Variants in UNC79 observed in about 807,000 individuals in gnomAD.
UNC79 encodes the protein unc-79 subunit of NALCN channel complex, also known as protein unc-79 homolog.
UNC79 carries 37 observed loss-of-function variants against 283.1 expected under a neutral mutation model. That is an observed-to-expected ratio of 0.13 (90% CI 0.10 to 0.17). The LOEUF (loss-of-function observed/expected upper bound fraction) is 0.17. Ranked by LOEUF, UNC79 falls within the 10% of genes least tolerant of loss-of-function variation. The pLI, the probability that UNC79 is intolerant of heterozygous loss-of-function variation, is 1.00. For synonymous variants in UNC79, 1,107 were observed against 1,200.2 expected, an observed-to-expected ratio of 0.92 and a Z score of 1.61; for missense variants, 2,272 against 3,211.1, an observed-to-expected ratio of 0.71 and a Z score of 7.07.
chr14:93,620,647 C>G (rs1309688848), intron 29 of UNC79, among the ~76,000 whole-genome samples: 3 of 152,160 alleles, frequency 2.0e-5, no homozygotes, highest in Non-Finnish European at 2.9e-5. Context: ...TCTCAAGAAG[C>G]CTCTCCTTAA....
At chr14:93,449,080 G>A (rs1011546601) in intron 1 of UNC79, among the ~76,000 whole-genome samples, 1 of 152,140 alleles carries the variant, frequency 6.6e-6, no homozygotes, top group African/African-American at 2.4e-5. Context: ...TGGCTGTGTG[G>A]CTATAAGCAG....
In UNC79 at chr14:93,621,723, T is replaced by A; in HGVS notation, c.4490T>A (p.Phe1497Tyr). Residue 1497 changes from phenylalanine to tyrosine, a missense_variant, in exon 30 of 49, where the codon TTC becomes TAC. Physicochemically the swap from Phe to Tyr is conservative, Grantham distance 22. Coordinates refer to ENST00000555664, the Ensembl canonical transcript of UNC79. The surrounding 1 kb of genome is among the most constrained non-coding windows in gnomAD (Gnocchi z 4.8). ...ATTCCGAAAAAAAAGCTACGCTCTT[T>A]CAAACAAAAATCTCTTGATATAGGG... 6.2e-7 allele frequency: 1 copy of A among 1,613,994 alleles called. No individual in the cohort carries two copies. The highest frequency in any genetic ancestry group is 2.2e-5 in the East Asian group (1 of 44,876).
chr14:93,565,323 C>T lies in UNC79; in HGVS notation c.1756-6571C>T, dbSNP rs1258609695. On this transcript the variant is annotated intron_variant, in intron 14 of 48. Coordinates refer to ENST00000555664, the Ensembl canonical transcript of UNC79. Reference sequence around the variant, plus strand: ...GCCCTTAATGCATTGTAATTGTAGTCAGCTCTGGGACTCTTCAAGTATTTG... The same window carrying T: ...GCCCTTAATGCATTGTAATTGTAGTTAGCTCTGGGACTCTTCAAGTATTTG... Among the ~76,000 whole-genome samples, 3 of 152,266 alleles carry T rather than the reference C, an allele frequency of 2.0e-5. No individual in the cohort carries two copies. In the South Asian group the frequency reaches 6.2e-4, roughly 32 times the overall value.
At chr14:93,684,472 A>G (rs768997716) in intron 42 of UNC79, among the ~76,000 whole-genome samples, 2 of 152,256 alleles carry the variant, frequency 1.3e-5, no homozygotes, top group Non-Finnish European at 2.9e-5. Context: ...AGTTGCATCC[A>G]TAAGGTAAGA....
intron 8 of UNC79, among the ~76,000 whole-genome samples, chr14:93,526,735 G>T (rs1208376423): frequency 6.6e-6 from 1 of 152,134 alleles, no homozygotes; most frequent in Non-Finnish European, 1.5e-5. Context: ...TATTTAAAAA[G>T]TCAGAGGTTG....
rs190779464 is a variant in UNC79 at position 93,370,109 on chromosome 14, T to G, written c.-351+36586T>G. Among the ~76,000 whole-genome samples the G allele has an allele frequency of 4.6e-5, 7 of 152,248 alleles. No homozygotes were observed. In the East Asian group the frequency reaches 1.4e-3, roughly 29 times the overall value. On this transcript the variant is annotated intron_variant, in intron 1 of 49. Transcript: ENST00000256339. ...CCTAATCACTACATTACTAAAGACCTATTTATGGCAGTTCCTTTTACCTGG... is the reference window on the plus strand; with the variant it reads ...CCTAATCACTACATTACTAAAGACCGATTTATGGCAGTTCCTTTTACCTGG...
intron 1 of UNC79, among the ~76,000 whole-genome samples, chr14:93,366,048 G>A (rs1419904002): frequency 6.6e-6 from 1 of 152,134 alleles, no homozygotes; most frequent in Non-Finnish European, 1.5e-5. Flanking sequence ...TTTTATTGTA[G>A]CACAATCTTT....
intron 7 of UNC79, among the ~76,000 whole-genome samples, chr14:93,513,678 C>T (rs972164399): frequency 2.0e-5 from 3 of 152,046 alleles, no homozygotes; most frequent in African/African-American, 4.8e-5. Flanking sequence ...CATTTCAAGT[C>T]GTCTCTTCTA....
intron 40 of UNC79, among the ~76,000 whole-genome samples, chr14:93,666,179 A>G (rs1453840966): frequency 6.6e-6 from 1 of 152,108 alleles, no homozygotes; most frequent in African/African-American, 2.4e-5. Context: ...ACAGGTAGAC[A>G]TTGTAAATGT....
intron 1 of UNC79, among the ~76,000 whole-genome samples, chr14:93,340,728 T>C (rs1051211166): frequency 4.6e-5 from 7 of 151,982 alleles, no homozygotes; most frequent in Non-Finnish European, 7.4e-5. Context: ...TGCACCACCA[T>C]ACCTGGATAA....
chr14:93,687,616 G>C (rs1281142116), intron 43 of UNC79, among the ~76,000 whole-genome samples: 1 of 152,120 alleles, frequency 6.6e-6, no homozygotes, highest in African/African-American at 2.4e-5. Flanking sequence ...GTGGTTTTTG[G>C]TACAGTGATA....
intron 30 of UNC79, among the ~76,000 whole-genome samples, chr14:93,627,538 T>C (rs184588062): frequency 1.3e-5 from 2 of 152,322 alleles, no homozygotes; most frequent in East Asian, 3.9e-4. Flanking sequence ...AGCCTGGAAA[T>C]ATTCTGCCAT....
intron 35 of UNC79, among the ~76,000 whole-genome samples, chr14:93,651,101 C>T (rs999996576): frequency 6.6e-6 from 1 of 152,120 alleles, no homozygotes; most frequent in Non-Finnish European, 1.5e-5. Flanking sequence ...AAGGGTGGAT[C>T]TATTTCTGGG....
intron 42 of UNC79, among the ~76,000 whole-genome samples, chr14:93,686,264 T>C (rs531364082): frequency 6.6e-4 from 101 of 152,276 alleles, no homozygotes; most frequent in African/African-American, 2.4e-3. Context: ...GCTGAATCTT[T>C]GCATACAAAG....
At chr14:93,491,903 G>A (rs1236284465) in intron 5 of UNC79, among the ~76,000 whole-genome samples, 1 of 152,198 alleles carries the variant, frequency 6.6e-6, no homozygotes, top group Non-Finnish European at 1.5e-5. Context: ...CTAGTCTTGT[G>A]ATATAGGAAG....
At chr14:93,380,228 T>C (rs903319292) in intron 1 of UNC79, among the ~76,000 whole-genome samples, 5 of 152,202 alleles carry the variant, frequency 3.3e-5, no homozygotes, top group African/African-American at 1.2e-4. Context: ...AGATATAATA[T>C]TCAATTCCAA....
chr14:93,629,803 A>C (rs960075258), intron 30 of UNC79, among the ~76,000 whole-genome samples: 1 of 152,266 alleles, frequency 6.6e-6, no homozygotes, highest in Admixed American at 6.5e-5. Context: ...TAAGCTTAAG[A>C]ACTTGAAGCC....
chr14:93,580,219 T>C (rs1472689449), exon 19 of UNC79: 4 of 1,614,054 alleles, frequency 2.5e-6, no homozygotes, highest in African/African-American at 2.7e-5. Context: ...ATTTCTATTA[T>C]AAACAATGTC....
rs892667416 is a variant in UNC79, at chr14:93,572,940, G to A, written c.2070+124G>A. 31 of 1,271,952 alleles carry A rather than the reference G, an allele frequency of 2.4e-5. 1 individual carries two copies. In the African/African-American group the frequency reaches 3.2e-4, roughly 13 times the overall value. The allele number at this position is 1,271,952 out of a possible 1,614,324, so 78.8% of individuals were successfully genotyped here. A position where few individuals can be genotyped will look rare whatever the true frequency, so the allele number is the denominator to read the frequency against. ...GTAAGTCCCCATGTTTGCCAAGAAAGTGTATCTCCTATGCATAGATAAATG... is the reference window on the plus strand; with the variant it reads ...GTAAGTCCCCATGTTTGCCAAGAAAATGTATCTCCTATGCATAGATAAATG... On this transcript the variant is annotated intron_variant, in intron 16 of 48. Coordinates refer to ENST00000555664, the Ensembl canonical transcript of UNC79.
Sources: allele counts gnomAD v4.1 joint callset (sites outside exome capture counted in the v4.1 genomes callset), GRCh38; gene constraint gnomAD v4.1.1; non-coding constraint Gnocchi (gnomAD v3.1); transcripts MANE v1.5; gene names NCBI Gene and HGNC (gene_info 2026-07-23, HGNC 2026-07-21).